Variants in TCERG1L observed in about 807,000 individuals in gnomAD.
TCERG1L encodes the protein transcription elongation regulator 1 like.
TCERG1L carries 37 observed loss-of-function variants against 56.3 expected under a neutral mutation model. That is an observed-to-expected ratio of 0.66 (90% CI 0.51 to 0.87). TCERG1L has a LOEUF of 0.87. Among genes scored for constraint, TCERG1L ranks in the 40% least tolerant of loss-of-function variants. The probability of loss-of-function intolerance (pLI) is 0.00; values close to 1 mark genes in which losing one functional copy is unlikely to be tolerated. For synonymous variants in TCERG1L, 324 were observed against 326.3 expected (o/e 0.99, Z 0.08); for missense variants, 799 against 774.2 (o/e 1.03, Z -0.38).
At chr10:131,194,491 T>C (rs973165925) in intron 4 of TCERG1L, among the ~76,000 whole-genome samples, 2 of 152,190 alleles carry the variant, frequency 1.3e-5, no homozygotes, top group African/African-American at 4.8e-5. Flanking sequence ...CTGTTCTCCT[T>C]TTGACTTTGC....
At chr10:131,144,826 TAAAAG>T (rs1285514520) in intron 7 of TCERG1L, among the ~76,000 whole-genome samples, 1 of 152,180 alleles carries the variant, frequency 6.6e-6, no homozygotes, top group Non-Finnish European at 1.5e-5. Context: ...AGATTCTTGT[TAAAAG>T]AAGGAGACGG....
At chr10:131,178,516 A>T (rs544580653) in intron 4 of TCERG1L, among the ~76,000 whole-genome samples, 14 of 152,298 alleles carry the variant, frequency 9.2e-5, no homozygotes, top group African/African-American at 3.4e-4. Flanking sequence ...GTCAAGAGAC[A>T]TACCTCTCAA....
At chr10:131,201,226 C>T (rs1431021803) in intron 4 of TCERG1L, among the ~76,000 whole-genome samples, 2 of 152,210 alleles carry the variant, frequency 1.3e-5, no homozygotes, top group East Asian at 3.9e-4. Flanking sequence ...GCCCCCAAAA[C>T]ACATCCCACT....
At chr10:131,200,974 A>C (rs1564813284) in intron 4 of TCERG1L, among the ~76,000 whole-genome samples, 1 of 152,078 alleles carries the variant, frequency 6.6e-6, no homozygotes, top group African/African-American at 2.4e-5. Flanking sequence ...CAGTGCTGTG[A>C]GGACACAGCC....
At chr10:131,280,947 G>T (rs1846445470) in intron 3 of TCERG1L, among the ~76,000 whole-genome samples, 1 of 152,082 alleles carries the variant, frequency 6.6e-6, no homozygotes, top group Non-Finnish European at 1.5e-5. Flanking sequence ...CAAGCCTGTG[G>T]CCGCACCTTC....
chr10:131,259,256 T>C (rs1312191437), intron 4 of TCERG1L, among the ~76,000 whole-genome samples: 1 of 152,158 alleles, frequency 6.6e-6, no homozygotes, highest in Non-Finnish European at 1.5e-5. Context: ...CATAAAGTAG[T>C]AGGTATATAT....
chr10:131,227,909 G>A (rs567415986), intron 4 of TCERG1L, among the ~76,000 whole-genome samples: 6 of 152,150 alleles, frequency 3.9e-5, no homozygotes, highest in Non-Finnish European at 5.9e-5. Flanking sequence ...AGGAGCTGTC[G>A]GGCTGTGCTC....
chr10:131,278,520 G>A (rs1279391823), intron 3 of TCERG1L, among the ~76,000 whole-genome samples: 1 of 150,170 alleles, frequency 6.7e-6, no homozygotes, highest in Non-Finnish European at 1.5e-5. Context: ...TTTTTGTATT[G>A]TTAGTAGAGA....
intron 4 of TCERG1L, among the ~76,000 whole-genome samples, chr10:131,244,594 C>T (rs1846012161): frequency 6.6e-6 from 1 of 152,122 alleles, no homozygotes; most frequent in South Asian, 2.1e-4. Flanking sequence ...AGCTCTCACT[C>T]CCTGTGGTAG....
intron 11 of TCERG1L, among the ~76,000 whole-genome samples, chr10:131,096,527 C>A (rs1845248620): frequency 6.6e-6 from 1 of 152,198 alleles, no homozygotes; most frequent in Non-Finnish European, 1.5e-5. Flanking sequence ...CTTAGGTCAC[C>A]TAATTCTTGA....
intron 8 of TCERG1L, among the ~76,000 whole-genome samples, chr10:131,121,600 C>T (rs560276458): frequency 1.5e-4 from 23 of 152,352 alleles, no homozygotes; most frequent in African/African-American, 5.1e-4. Flanking sequence ...GGAAGCGCCA[C>T]ACAGATGCCT....
intron 8 of TCERG1L, among the ~76,000 whole-genome samples, chr10:131,120,766 T>A (rs557119338): frequency 1.6e-4 from 25 of 152,300 alleles, no homozygotes; most frequent in Admixed American, 3.9e-4. Flanking sequence ...GTCCTAGCAC[T>A]CACCTAGAGC....
chr10:131,284,391 A>G (rs1846497260), intron 3 of TCERG1L, among the ~76,000 whole-genome samples: 1 of 152,132 alleles, frequency 6.6e-6, no homozygotes, highest in South Asian at 2.1e-4. Flanking sequence ...TAAAAAATTT[A>G]CAAAAAGCAG....
At chr10:131,249,748 G>A (rs1379850345) in intron 4 of TCERG1L, among the ~76,000 whole-genome samples, 6 of 152,094 alleles carry the variant, frequency 3.9e-5, no homozygotes, top group Admixed American at 1.3e-4. Flanking sequence ...TGGGTACGAC[G>A]GCCACACTCG....
intron 4 of TCERG1L, among the ~76,000 whole-genome samples, chr10:131,206,578 C>T (rs1845530228): frequency 6.6e-6 from 1 of 152,218 alleles, no homozygotes; most frequent in African/African-American, 2.4e-5. Flanking sequence ...AATCAAGGAC[C>T]CCGTGGCTGA....
chr10:131,177,976 C>A (rs879758019), intron 4 of TCERG1L, among the ~76,000 whole-genome samples: 1 of 152,018 alleles, frequency 6.6e-6, no homozygotes, highest in Non-Finnish European at 1.5e-5. Context: ...TAGAAACAGA[C>A]CCTGGCATGT....
chr10:131,239,799 C>T (rs1302025529), intron 4 of TCERG1L, among the ~76,000 whole-genome samples: 1 of 152,258 alleles, frequency 6.6e-6, no homozygotes, highest in Non-Finnish European at 1.5e-5. Context: ...GTACAGACAT[C>T]TGCTCAGCCT....
chr10:131,250,042 A>G (rs11814501), intron 4 of TCERG1L, among the ~76,000 whole-genome samples: 29,999 of 152,164 alleles, frequency 0.2, 3,409 homozygotes, highest in East Asian at 0.29. Flanking sequence ...GAATAAAGCC[A>G]CACGATTTGA....
rs1845644931 is a variant in TCERG1L at position 131,214,052 on chromosome 10, A to ACACACACACG, written c.856+46197_856+46206dup. Among the ~76,000 whole-genome samples the ACACACACACG allele has an allele frequency of 1.9e-4, 3 of 15,474 alleles. No homozygotes were observed. In the South Asian group the frequency reaches 7.9e-3, roughly 41 times the overall value. The allele number at this position is 15,474 out of a possible 152,430, so 10.2% of individuals were successfully genotyped here. On this transcript the variant is annotated intron_variant, in intron 4 of 11. Coordinates refer to ENST00000368642, the MANE Select transcript of TCERG1L (RefSeq NM_174937.4). ...ATGTTACATACGCACACACACACGC[A>ACACACACACG]CACACACACGCACAACAGTTACAAT...
Sources: allele counts gnomAD v4.1 joint callset (sites outside exome capture counted in the v4.1 genomes callset), GRCh38; gene constraint gnomAD v4.1.1; transcripts MANE v1.5; gene names NCBI Gene and HGNC (gene_info 2026-07-23, HGNC 2026-07-21).